PLXDC2: variants seen among roughly 807,000 people sequenced by gnomAD.
The protein encoded by PLXDC2 is plexin domain containing 2.
PLXDC2 carries 40 observed loss-of-function variants against 68.9 expected under a neutral mutation model. The ratio of observed to expected loss-of-function variants is 0.58; its 90% CI spans 0.45 to 0.76. The LOEUF (loss-of-function observed/expected upper bound fraction) is 0.76. Ranked by LOEUF, PLXDC2 falls within the 30% of genes least tolerant of loss-of-function variation. The probability of loss-of-function intolerance (pLI) is 0.00; values close to 1 mark genes in which losing one functional copy is unlikely to be tolerated. For missense variants in PLXDC2, 644 were observed against 661.9 expected (o/e 0.97, Z 0.30); for synonymous variants, 243 against 234.2 (o/e 1.04, Z -0.34).
chr10:19,962,060 T>G (rs924645745), intron 1 of PLXDC2, among the ~76,000 whole-genome samples: 2 of 152,178 alleles, frequency 1.3e-5, no homozygotes, highest in Admixed American at 6.5e-5. Context: ...CGATATTTAT[T>G]TGTGTTTCAA....
At chr10:20,104,089 A>G (rs1833458990) in intron 4 of PLXDC2, among the ~76,000 whole-genome samples, 1 of 152,196 alleles carries the variant, frequency 6.6e-6, no homozygotes, top group Admixed American at 6.5e-5. Flanking sequence ...ATAAGAAGTA[A>G]AGTCATTAGC....
At chr10:20,068,373 A>G (rs1342941753) in intron 4 of PLXDC2, 134 bp downstream of exon 4, 3 of 774,404 alleles carry the variant, frequency 3.9e-6, no homozygotes, top group Non-Finnish European at 6.0e-6. Context: ...TCATAGGTAT[A>G]AATAAAACCA....
intron 4 of PLXDC2, among the ~76,000 whole-genome samples, chr10:20,132,726 A>G (rs1833883539): frequency 6.6e-6 from 1 of 151,268 alleles, no homozygotes. Context: ...AGTGTCCTTA[A>G]AGCTAAGGTT....
chr10:20,226,040 A>AC (rs1835281866), intron 12 of PLXDC2, among the ~76,000 whole-genome samples: 1 of 152,218 alleles, frequency 6.6e-6, no homozygotes, highest in African/African-American at 2.4e-5. Flanking sequence ...TTGGAGTATC[A>AC]AGAGTTGAAT....
intron 2 of PLXDC2, among the ~76,000 whole-genome samples, chr10:20,023,750 G>A (rs554893141): frequency 3.6e-5 from 5 of 137,584 alleles, no homozygotes; most frequent in Admixed American, 3.1e-4. Flanking sequence ...TTATTTATAG[G>A]CAGCCACTTT....
chr10:20,174,935 G>A (rs996807630), intron 7 of PLXDC2, among the ~76,000 whole-genome samples: 1 of 152,010 alleles, frequency 6.6e-6, no homozygotes, highest in South Asian at 2.1e-4. Context: ...TATCATCTGG[G>A]CCACCACACT....
chr10:20,203,440 G>C (rs1834947644), intron 9 of PLXDC2, among the ~76,000 whole-genome samples: 1 of 151,738 alleles, frequency 6.6e-6, no homozygotes, highest in Non-Finnish European at 1.5e-5. Flanking sequence ...AAGTAGCTGG[G>C]ACTACAGGCA....
At chr10:20,102,731 C>T (rs1833439373) in intron 4 of PLXDC2, among the ~76,000 whole-genome samples, 2 of 152,048 alleles carry the variant, frequency 1.3e-5, no homozygotes, top group South Asian at 4.1e-4. Context: ...ATTTAAGATT[C>T]CCATAAAATA....
intron 1 of PLXDC2, among the ~76,000 whole-genome samples, chr10:19,873,053 A>AC (rs1449505824): frequency 6.6e-6 from 1 of 152,138 alleles, no homozygotes; most frequent in Admixed American, 6.6e-5. Flanking sequence ...ATACAGCAAA[A>AC]CGGTCGGTAC....
chr10:19,822,950 G>C (rs1977539), intron 1 of PLXDC2, among the ~76,000 whole-genome samples: 108,965 of 151,642 alleles, frequency 0.72, 39,835 homozygotes, highest in African/African-American at 0.84. Context: ...GAGTCTCGCT[G>C]TTTCTCCCAG....
intron 1 of PLXDC2, among the ~76,000 whole-genome samples, chr10:19,867,295 C>A (rs1004579690): frequency 7.9e-5 from 12 of 152,108 alleles, no homozygotes; most frequent in African/African-American, 2.9e-4. Context: ...AAACTCCTGA[C>A]CTCAGGTGAT....
chr10:20,073,923 T>C (rs1308282373), intron 4 of PLXDC2, among the ~76,000 whole-genome samples: 1 of 152,198 alleles, frequency 6.6e-6, no homozygotes, highest in African/African-American at 2.4e-5. Flanking sequence ...CTAGGAATGA[T>C]GTTTTTACCT....
chr10:20,160,094 T>C (rs1417809596), intron 6 of PLXDC2, among the ~76,000 whole-genome samples: 1 of 152,298 alleles, frequency 6.6e-6, no homozygotes, highest in East Asian at 1.9e-4. Flanking sequence ...TTCCAGTGCC[T>C]ACAATAATAC....
intron 1 of PLXDC2, among the ~76,000 whole-genome samples, chr10:19,972,603 A>G (rs1206388385): frequency 6.6e-6 from 1 of 152,136 alleles, no homozygotes; most frequent in Non-Finnish European, 1.5e-5. Context: ...AAGTTGGAAG[A>G]AAAAAACAAA....
intron 1 of PLXDC2, among the ~76,000 whole-genome samples, chr10:19,962,451 C>A (rs1308638110): frequency 3.1e-5 from 4 of 128,312 alleles, no homozygotes; most frequent in Admixed American, 9.3e-5. Context: ...AGTGCAGTGG[C>A]ACGATCTCGG....
At chr10:20,107,490 C>T (rs1042793175) in intron 4 of PLXDC2, among the ~76,000 whole-genome samples, 1 of 152,140 alleles carries the variant, frequency 6.6e-6, no homozygotes, top group African/African-American at 2.4e-5. Flanking sequence ...AAAAAAAGCA[C>T]CTATCAGGCA....
chr10:20,258,774 G>A (rs1466492697), intron 13 of PLXDC2, among the ~76,000 whole-genome samples: 3 of 152,076 alleles, frequency 2.0e-5, no homozygotes, highest in Admixed American at 6.6e-5. Flanking sequence ...TTGGGAGGCC[G>A]AGGAGTGCGA....
At chr10:19,942,974 C>A (rs189280457) in intron 1 of PLXDC2, among the ~76,000 whole-genome samples, 12 of 152,266 alleles carry the variant, frequency 7.9e-5, no homozygotes, top group African/African-American at 2.4e-4. Context: ...AATTATGCCT[C>A]CAGTTAATTC....
At chr10:20,126,119 A>C (rs1833771357) in intron 4 of PLXDC2, among the ~76,000 whole-genome samples, 1 of 147,704 alleles carries the variant, frequency 6.8e-6, no homozygotes. Context: ...TGTTTTATAT[A>C]TAATATATGT....
Sources: gnomAD v4.1 joint callset for allele counts (sites outside exome capture counted in the v4.1 genomes callset) on GRCh38, gnomAD v4.1.1 for gene constraint, MANE v1.5 for transcripts, NCBI Gene and HGNC (gene_info 2026-07-23, HGNC 2026-07-21) for gene names.